TACC2: variants seen among roughly 807,000 people sequenced by gnomAD.
The protein encoded by TACC2 is transforming acidic coiled-coil containing protein 2.
TACC2 carries 137 observed loss-of-function variants against 227.3 expected under a neutral mutation model. That is an observed-to-expected ratio of 0.60 (90% CI 0.52 to 0.69). TACC2 has a LOEUF of 0.69. Among genes scored for constraint, TACC2 ranks in the 30% least tolerant of loss-of-function variants. The pLI, the probability that TACC2 is intolerant of heterozygous loss-of-function variation, is 0.00. For synonymous variants in TACC2, 1,523 were observed against 1,487.5 expected, an observed-to-expected ratio of 1.02 and a Z score of -0.55; for missense variants, 3,470 against 3,694.4, an observed-to-expected ratio of 0.94 and a Z score of 1.57.
intron 7 of TACC2, among the ~76,000 whole-genome samples, chr10:122,185,278 G>A (rs1172619504): frequency 3.3e-5 from 5 of 150,560 alleles, no homozygotes; most frequent in Non-Finnish European, 4.4e-5. Context: ...TACAACCTCC[G>A]CCTCCTGGGT....
chr10:122,198,105 G>T lies in TACC2; in HGVS notation c.5971+2929G>T, dbSNP rs544031043. Among the ~76,000 whole-genome samples, 17 of 152,308 alleles carry T rather than the reference G, an allele frequency of 1.1e-4. No homozygotes were observed. In the South Asian group the frequency reaches 3.1e-3, roughly 28 times the overall value. On this transcript the variant is annotated intron_variant, in intron 8 of 22. Transcript: ENST00000369005. ...TGAATAAAGATGGTTTTTCCCCCTGGCAACCTACATTTTATAAAGCACTCA... is the reference window on the plus strand; with the variant it reads ...TGAATAAAGATGGTTTTTCCCCCTGTCAACCTACATTTTATAAAGCACTCA...
chr10:122,043,459 C>CTT (rs1554975581), intron 2 of TACC2, among the ~76,000 whole-genome samples: 14 of 148,344 alleles, frequency 9.4e-5, no homozygotes, highest in African/African-American at 3.1e-4. Context: ...TTCTTTCTTT[C>CTT]TCTTTCTTTC....
intron 22 of TACC2, among the ~76,000 whole-genome samples, chr10:122,250,044 G>C (rs2096221236): frequency 6.6e-6 from 1 of 152,252 alleles, no homozygotes; most frequent in Admixed American, 6.5e-5. Context: ...GTGGTGGCCA[G>C]CTGATGCAGA....
In TACC2 at chr10:122,087,695, C is replaced by T. The variant is rs933078892; in HGVS notation, c.5195C>T (p.Thr1732Ile). The part of the protein sequence containing the change: ...GDLPEAGTTR[T>I]FSVVAGDLVL... ...CTGCCTGAAGCAGGTACTACGAGGA[C>T]ATTCTCCGTTGTGGCAGGTGACTTG... is the stretch of plus-strand genomic sequence containing the variant. The change falls in exon 4 of 23, where the codon ACA becomes ATA. Residue 1732 changes from threonine (T) to isoleucine (I), a missense_variant. This residue lies in a region of TACC2 where 1,924 missense variants were observed against 1,978.3 expected (regional missense o/e 0.97). Coordinates refer to ENST00000369005, the MANE Select transcript of TACC2 (RefSeq NM_206862.4). 2.5e-6 allele frequency: 4 copies of T among 1,613,278 alleles called. No homozygotes were observed. The highest frequency in any genetic ancestry group is 3.4e-6 in the Non-Finnish European group (4 of 1,179,954).
At chr10:122,157,777 A>G (rs2092579757) in intron 7 of TACC2, among the ~76,000 whole-genome samples, 1 of 152,110 alleles carries the variant, frequency 6.6e-6, no homozygotes, top group Non-Finnish European at 1.5e-5. Flanking sequence ...AAGCTACCTC[A>G]TGAGCGTCTC....
chr10:122,204,196 A>AGAGGGG (rs2095022584), intron 8 of TACC2, among the ~76,000 whole-genome samples: 1 of 27,150 alleles, frequency 3.7e-5, no homozygotes, highest in African/African-American at 1.2e-4. Context: ...GGGGAGGGGG[A>AGAGGGG]GGGGGAGGGG....
At chr10:122,188,648 C>T (rs571816969) in intron 7 of TACC2, among the ~76,000 whole-genome samples, 3 of 152,294 alleles carry the variant, frequency 2.0e-5, no homozygotes, top group East Asian at 3.9e-4. Flanking sequence ...TCAATTAACA[C>T]CTGGCCATAA....
chr10:122,116,832 C>T lies in TACC2; in HGVS notation c.5574-15777C>T, dbSNP rs553218540. Among the ~76,000 whole-genome samples, 7 of 152,090 alleles carry T rather than the reference C, an allele frequency of 4.6e-5. No individual in the cohort carries two copies. The South Asian group carries it at 1.0e-3, about 23-fold the overall frequency. Reference sequence around the variant, plus strand: ...TTTAGAAGCTGTGTATTGACTCTGCCGTCCATGAGCTGGTTGTCTCGGCTT... The same window carrying T: ...TTTAGAAGCTGTGTATTGACTCTGCTGTCCATGAGCTGGTTGTCTCGGCTT... On this transcript the variant is annotated intron_variant, in intron 5 of 22. Coordinates refer to ENST00000369005, the MANE Select transcript of TACC2 (RefSeq NM_206862.4).
chr10:122,181,172 A>G (rs1462412334), intron 7 of TACC2, among the ~76,000 whole-genome samples: 1 of 152,166 alleles, frequency 6.6e-6, no homozygotes, highest in Non-Finnish European at 1.5e-5. Context: ...TTCAAGTGAA[A>G]TTTATTGCTT....
chr10:122,216,864 G>A (rs1359370122), intron 11 of TACC2, 36 bp downstream of exon 11: 1 of 1,614,122 alleles, frequency 6.2e-7, no homozygotes, highest in East Asian at 2.2e-5. Flanking sequence ...CCCCCACTCT[G>A]CCTCGGAGAA....
At chr10:122,171,036 C>CGTGAGCAATAGATTAGGGGCT (rs2093447421) in intron 7 of TACC2, among the ~76,000 whole-genome samples, 1 of 152,156 alleles carries the variant, frequency 6.6e-6, no homozygotes, top group Non-Finnish European at 1.5e-5. Flanking sequence ...GATTAGGGGC[C>CGTGAGCAATAGATTAGGGGCT]GTGAGCAATA....
intron 3 of TACC2, among the ~76,000 whole-genome samples, chr10:122,064,077 G>T (rs1053642005): frequency 1.1e-4 from 16 of 152,058 alleles, no homozygotes; most frequent in Admixed American, 1.0e-3. Flanking sequence ...CAGAAGAATC[G>T]CTTGAACCCA....
At chr10:122,117,556 A>G (rs1432206254) in intron 5 of TACC2, among the ~76,000 whole-genome samples, 1 of 152,148 alleles carries the variant, frequency 6.6e-6, no homozygotes, top group African/African-American at 2.4e-5. Flanking sequence ...AAACACACGA[A>G]TATGGGGCTC....
intron 5 of TACC2, among the ~76,000 whole-genome samples, chr10:122,125,118 A>C (rs995921194): frequency 1.3e-5 from 2 of 152,136 alleles, no homozygotes; most frequent in African/African-American, 4.8e-5. Flanking sequence ...GTCAAAAAGC[A>C]TGTGCCATGC....
chr10:122,137,447 G>A (rs2089884060), intron 6 of TACC2, among the ~76,000 whole-genome samples: 1 of 152,008 alleles, frequency 6.6e-6, no homozygotes, highest in South Asian at 2.1e-4. Context: ...CAGGCTGAGA[G>A]CCTGGTTGAC....
rs543441260 is a variant in TACC2, at chr10:122,057,884, C to T, written c.146+7334C>T. Among the ~76,000 whole-genome samples the T allele has an allele frequency of 2.6e-3, 402 of 152,204 alleles. 1 individual carries two copies. The highest frequency in any genetic ancestry group is 9.3e-3 in the African/African-American group (385 of 41,538). ...CCTGAGAGGATGGAGGTCAGACAAC[C>T]TTCCCGTACCTGCTCCCTCGCTAGA... On this transcript the variant is annotated intron_variant, in intron 3 of 22. Transcript: ENST00000369005.
rs147635960 is a variant in TACC2 at position 122,084,757 on chromosome 10, G to A, written c.2257G>A (p.Glu753Lys). ...AAGGAAGATGGGCAGCTGTGATGGG[G>A]AGGGCTTGCTGACGTCCCCAGATCA... is the stretch of plus-strand genomic sequence containing the variant. ...EIRKMGSCDG[E>K]GLLTSPDQPR... The change falls in exon 4 of 23, where the codon GAG becomes AAG. Residue 753 changes from glutamate (E) to lysine (K), a missense_variant. Coordinates refer to ENST00000369005, the MANE Select transcript of TACC2 (RefSeq NM_206862.4). 1.6e-5 allele frequency: 26 copies of A among 1,613,498 alleles called. No individual in the cohort carries two copies. The African/African-American group carries it at 3.1e-4, about 19-fold the overall frequency.
In TACC2 at chr10:121,995,528, G is replaced by A. The variant is rs115544531; in HGVS notation, c.-46+6040G>A. On this transcript the variant is annotated intron_variant, in intron 1 of 22. Coordinates refer to ENST00000369005, the MANE Select transcript of TACC2 (RefSeq NM_206862.4). Reference sequence around the variant, plus strand: ...AACTCCTCCCAGTTCTAGTGGCATGGTGAGTGTATTAGTCTGTTTTGCATT... The same window carrying A: ...AACTCCTCCCAGTTCTAGTGGCATGATGAGTGTATTAGTCTGTTTTGCATT... Among the ~76,000 whole-genome samples the A allele has an allele frequency of 9.0e-3, 1,367 of 152,304 alleles. 20 individuals carry two copies. Among genetic ancestry groups the A allele is most frequent in the African/African-American group, 0.031 (1,280 of 41,570 alleles).
intron 3 of TACC2, among the ~76,000 whole-genome samples, chr10:122,062,520 G>T (rs1013306208): frequency 6.8e-6 from 1 of 147,258 alleles, no homozygotes; most frequent in Non-Finnish European, 1.5e-5. Flanking sequence ...CTCCATATTG[G>T]TCAGGCTGGT....
Sources: allele counts gnomAD v4.1 joint callset (sites outside exome capture counted in the v4.1 genomes callset), GRCh38; gene constraint gnomAD v4.1.1; regional missense constraint gnomAD v4.1.1; transcripts MANE v1.5; gene names NCBI Gene and HGNC (gene_info 2026-07-23, HGNC 2026-07-21).